Variants in HDAC4 observed in about 807,000 individuals in gnomAD.
The protein encoded by HDAC4 is histone deacetylase 4, also known as histone deacetylase A.
Under a neutral mutation model 135.1 loss-of-function variants are expected in HDAC4, and 16 were observed. The ratio of observed to expected loss-of-function variants is 0.12; its 90% CI spans 0.08 to 0.18. HDAC4 has a LOEUF of 0.18. HDAC4 is among the 10% of genes least tolerant of loss of function. The pLI is 1.00. For missense variants in HDAC4, 1,143 were observed against 1,511.8 expected, an observed-to-expected ratio of 0.76 and a Z score of 4.05; for synonymous variants, 685 against 653.4, an observed-to-expected ratio of 1.05 and a Z score of -0.74.
At chr2:239,298,322 C>A (rs964580134) in intron 2 of HDAC4, 27 of 1,233,042 alleles carry the variant, frequency 2.2e-5, no homozygotes, top group Non-Finnish European at 2.7e-5. Flanking sequence ...CCCTGGGCAT[C>A]ACGTGGAGAT....
chr2:239,063,789 C>T (rs890187094), intron 24 of HDAC4, among the ~76,000 whole-genome samples: 2 of 152,250 alleles, frequency 1.3e-5, no homozygotes, highest in Non-Finnish European at 2.9e-5. Flanking sequence ...TCCTCTACTT[C>T]TTCAAGCCAC....
chr2:239,157,774 G>A (rs1412968401), intron 6 of HDAC4, among the ~76,000 whole-genome samples: 2 of 152,232 alleles, frequency 1.3e-5, no homozygotes, highest in African/African-American at 2.4e-5. Context: ...AAGAATGGGA[G>A]CTTGTAAATG....
intron 2 of HDAC4, among the ~76,000 whole-genome samples, chr2:239,295,537 TC>T (rs543050027): frequency 1.5e-3 from 228 of 152,126 alleles, no homozygotes; most frequent in African/African-American, 5.3e-3. Context: ...TTCTAAAACT[TC>T]CCAGAGCAAA....
chr2:239,374,376 G>C (rs899431801), intron 1 of HDAC4, among the ~76,000 whole-genome samples: 1 of 113,736 alleles, frequency 8.8e-6, no homozygotes, highest in Non-Finnish European at 1.8e-5. Context: ...CAGATGAATA[G>C]AAAACAAGGC....
At chr2:239,161,198 G>C (rs1412176116) in intron 6 of HDAC4, among the ~76,000 whole-genome samples, 1 of 152,168 alleles carries the variant, frequency 6.6e-6, no homozygotes, top group Non-Finnish European at 1.5e-5. Flanking sequence ...CAAGCGGTTT[G>C]TAAGATATAC....
chr2:239,124,790 G>A (rs370435459), intron 12 of HDAC4, among the ~76,000 whole-genome samples: 531 of 28,278 alleles, frequency 0.019, no homozygotes, highest in African/African-American at 0.033. Flanking sequence ...GCGTGTGGCC[G>A]CGTTATATGA....
intron 22 of HDAC4, among the ~76,000 whole-genome samples, chr2:239,072,662 T>C (rs921226216): frequency 3.9e-5 from 6 of 152,218 alleles, no homozygotes; most frequent in African/African-American, 1.4e-4. Flanking sequence ...TCCAGAAACA[T>C]CACGGCAGAC....
chr2:239,220,653 A>G (rs2046895595), intron 3 of HDAC4, among the ~76,000 whole-genome samples: 2 of 152,170 alleles, frequency 1.3e-5, no homozygotes, highest in South Asian at 4.1e-4. Flanking sequence ...ATAAACACCC[A>G]CGTATCCGGC....
At chr2:239,249,409 T>C (rs1384393939) in intron 2 of HDAC4, among the ~76,000 whole-genome samples, 1 of 152,064 alleles carries the variant, frequency 6.6e-6, no homozygotes, top group East Asian at 1.9e-4. Context: ...TTGGCGTGGG[T>C]GTGCCACACT....
At chr2:239,175,866 G>T (rs1300057613) in intron 5 of HDAC4, among the ~76,000 whole-genome samples, 1 of 152,172 alleles carries the variant, frequency 6.6e-6, no homozygotes. Context: ...CGGGCTGAAT[G>T]CCCCTTGCTT....
At chr2:239,169,510 C>T (rs574894766) in intron 5 of HDAC4, among the ~76,000 whole-genome samples, 11 of 152,350 alleles carry the variant, frequency 7.2e-5, no homozygotes, top group African/African-American at 2.4e-4. Context: ...CCCAGCAGGC[C>T]GTGGAGCCCC....
At chr2:239,132,768 T>C (rs2040683664) in intron 11 of HDAC4, among the ~76,000 whole-genome samples, 1 of 152,340 alleles carries the variant, frequency 6.6e-6, no homozygotes, top group African/African-American at 2.4e-5. Context: ...TAAACTGATT[T>C]AGAGAAGGAA....
intron 24 of HDAC4, among the ~76,000 whole-genome samples, chr2:239,058,415 C>T (rs1025321915): frequency 1.3e-5 from 2 of 152,196 alleles, no homozygotes; most frequent in Non-Finnish European, 2.9e-5. Flanking sequence ...AAATGACCCA[C>T]GTTTCCACTT....
chr2:239,329,630 A>G (rs1023603699), intron 2 of HDAC4, among the ~76,000 whole-genome samples: 7 of 152,046 alleles, frequency 4.6e-5, no homozygotes, highest in Non-Finnish European at 1.0e-4. Flanking sequence ...GAAATTTCAA[A>G]CACTGAAGGA....
rs890621626 is a variant in HDAC4, at chr2:239,303,391, C to T, written c.22+49287G>A. Among the ~76,000 whole-genome samples the T allele has an allele frequency of 3.9e-5, 6 of 152,178 alleles. No homozygotes were observed. Among genetic ancestry groups the T allele is most frequent in the African/African-American group, 1.4e-4 (6 of 41,446 alleles). On this transcript the variant is annotated intron_variant, in intron 2 of 26. Coordinates refer to ENST00000543185, the MANE Select transcript of HDAC4 (RefSeq NM_001378414.1). This position sits in a 1 kb window ranked among gnomAD's most constrained non-coding sequence, Gnocchi z 5.1. ...CCGTCTGGTGTGAAGGGAAACGTCC[C>T]TCACCCTTCTGCAGTCGCCACCGAG...
At chr2:239,124,018 T>G (rs968692832) in intron 12 of HDAC4, among the ~76,000 whole-genome samples, 2 of 146,668 alleles carry the variant, frequency 1.4e-5, no homozygotes, top group East Asian at 2.0e-4. Flanking sequence ...TGGGGTGGAG[T>G]GAGGGGGGCA....
intron 2 of HDAC4, among the ~76,000 whole-genome samples, chr2:239,286,786 GAGA>G (rs1360226939): frequency 1.3e-5 from 2 of 152,272 alleles, no homozygotes; most frequent in East Asian, 3.9e-4. Context: ...GGCCAAGGAT[GAGA>G]AGAATACACC....
chr2:239,189,327 T>C (rs1046196322), intron 4 of HDAC4, among the ~76,000 whole-genome samples: 2 of 152,210 alleles, frequency 1.3e-5, no homozygotes, highest in Non-Finnish European at 1.5e-5. Flanking sequence ...TCAGATTAAA[T>C]ATTTGTAGAC....
intron 2 of HDAC4, among the ~76,000 whole-genome samples, chr2:239,316,610 G>A (rs769929005): frequency 1.4e-4 from 22 of 152,280 alleles, no homozygotes; most frequent in South Asian, 1.0e-3. Flanking sequence ...GTAAGAGAGC[G>A]GCTGGATGAA....
Sources: gnomAD v4.1 joint callset for allele counts (sites outside exome capture counted in the v4.1 genomes callset) on GRCh38, gnomAD v4.1.1 for gene constraint, Gnocchi (gnomAD v3.1) non-coding constraint, MANE v1.5 for transcripts, NCBI Gene and HGNC (gene_info 2026-07-23, HGNC 2026-07-21) for gene names.